EEF1A1: variants seen among roughly 807,000 people sequenced by gnomAD.
EEF1A1 encodes the protein elongation factor 1-alpha 1.
EEF1A1 carries 1 observed loss-of-function variant against 38.5 expected under a neutral mutation model. That is an observed-to-expected ratio of 0.03 (90% CI 0.01 to 0.12). The LOEUF is 0.12. Ranked by LOEUF, EEF1A1 falls within the 10% of genes least tolerant of loss-of-function variation. EEF1A1 has a pLI of 1.00. For synonymous variants in EEF1A1, 229 were observed against 203.7 expected (o/e 1.12, Z -1.06); for missense variants, 184 against 588.3 (o/e 0.31, Z 7.11).
chr6:73,516,903 GAC>G lies in EEF1A1; in HGVS notation c.*905_*906del, dbSNP rs1765530316. The G allele has an allele frequency of 6.6e-6, 1 of 152,206 alleles. No homozygotes were observed. The highest frequency in any genetic ancestry group is 6.5e-5 in the Admixed American group (1 of 15,284). The allele number at this position is 152,206 out of a possible 1,614,324, so 9.4% of individuals were successfully genotyped here. The stretch of plus-strand genomic sequence containing the variant: ...AATTATCAAAGCATAAAAGGTATTA[GAC>G]TCTGCAGGAGAAAAGCAATGTAGAT... On this transcript the variant is annotated 3_prime_UTR_variant, in exon 8 of 8. Transcript: ENST00000309268.
rs1354656062 is a variant in EEF1A1 at position 73,516,086 on chromosome 6, G to GA, written c.*1723dup. The GA allele has an allele frequency of 6.6e-6, 1 of 152,162 alleles. No homozygotes were observed. The highest frequency in any genetic ancestry group is 1.5e-5 in the Non-Finnish European group (1 of 68,034). The allele number at this position is 152,162 out of a possible 1,614,324, so 9.4% of individuals were successfully genotyped here. A position where few individuals can be genotyped will look rare whatever the true frequency, so the allele number is the denominator to read the frequency against. On this transcript the variant is annotated 3_prime_UTR_variant, in exon 8 of 8. Transcript: ENST00000309268. ...ACTTGTGTAAACATTAGATAGCAAA[G>GA]AAACTAAGGACAAAAATCTCTAGTT... is the stretch of plus-strand genomic sequence containing the variant.
Position 73,517,030 on chromosome 6 carries a change from T to G in EEF1A1, c.*780A>C, listed in dbSNP as rs1158474940. On this transcript the variant is annotated 3_prime_UTR_variant, in exon 8 of 8. Transcript: ENST00000309268. ...AATAGAACTTGTGAAACCATCAAACTGGCATAAAGCTTACTCCACTGACTT... is the reference window on the plus strand; with the variant it reads ...AATAGAACTTGTGAAACCATCAAACGGGCATAAAGCTTACTCCACTGACTT... 6.6e-6 allele frequency: 1 copy of G among 152,224 alleles called. No homozygotes were observed. The highest frequency in any genetic ancestry group is 1.9e-4 in the East Asian group (1 of 5,196). The allele number at this position is 152,224 out of a possible 1,614,324, so 9.4% of individuals were successfully genotyped here.
In EEF1A1 at chr6:73,519,778, T is replaced by TA. The variant is rs1297146442; in HGVS notation, c.144+104dup. 4.1e-5 allele frequency: 62 copies of TA among 1,496,464 alleles called. No individual in the cohort carries two copies. In the African/African-American group the frequency reaches 7.8e-4, roughly 19 times the overall value. 92.7% of individuals were successfully genotyped at this position (1,496,464 alleles called of 1,614,324 possible). A position where few individuals can be genotyped will look rare whatever the true frequency, so the allele number is the denominator to read the frequency against. ...ATTTCATAAGTAAGGTCTTAACTAT[T>TA]AGCATTCAGATCTAAACCACTCACT... On this transcript the variant is annotated intron_variant, in intron 2 of 7. Transcript: ENST00000309268.
chr6:73,518,767 T>C lies in EEF1A1; in HGVS notation c.703A>G (p.Ile235Val), dbSNP rs763778850. The C allele has an allele frequency of 1.9e-6, 3 of 1,614,116 alleles. No individual in the cohort carries two copies. The highest frequency in any genetic ancestry group is 2.5e-6 in the Non-Finnish European group (3 of 1,180,052). ...TCAGTTGGACGAGTTGGTGGTAGGA[T>C]GCAGTCCAGAGCCTCAAGCAGCGTG... The part of the protein sequence containing the change: ...GTTLLEALDC[I>V]LPPTRPTDKP... The change falls in exon 5 of 8, where the codon ATC (isoleucine) becomes GTC (valine). Residue 235 changes from isoleucine to valine, a missense_variant. Ile to Val is a conservative substitution (Grantham distance 29). Coordinates refer to ENST00000309268, the MANE Select transcript of EEF1A1 (RefSeq NM_001402.6).
At chr6:73,520,082 A>G in intron 1 of EEF1A1, 26 bp from the exon 2 acceptor site, 1 of 1,566,492 alleles carries the variant, frequency 6.4e-7, no homozygotes. Flanking sequence ...AAAACTTTGA[A>G]CCACTGTCTG....
chr6:73,517,837 A>T lies in EEF1A1; in HGVS notation c.1362T>A (p.Ser454=), dbSNP rs534691194. The T allele has an allele frequency of 3.8e-6, 6 of 1,587,958 alleles. No individual in the cohort carries two copies. The South Asian group carries it at 6.7e-5, about 18-fold the overall frequency. Residue 454 remains serine, a synonymous_variant, in exon 8 of 8, where the codon TCT becomes TCA. Coordinates refer to ENST00000309268, the MANE Select transcript of EEF1A1 (RefSeq NM_001402.6). The part of the protein sequence containing the change: ...KAAGAGKVTK[S]AQKAQKAK ...ATTTAGCCTTCTGAGCTTTCTGGGC[A>T]GACTTGGTGACCTTGCCAGCTCCAG...
rs972053008 is a variant in EEF1A1 at position 73,516,891 on chromosome 6, T to C, written c.*919A>G. The C allele has an allele frequency of 4.6e-5, 7 of 152,204 alleles. No homozygotes were observed. The highest frequency in any genetic ancestry group is 3.3e-4 in the Admixed American group (5 of 15,282). 9.4% of individuals were successfully genotyped at this position (152,204 alleles called of 1,614,324 possible). The stretch of plus-strand genomic sequence containing the variant: ...AGACAAACTGCTAATTATCAAAGCA[T>C]AAAAGGTATTAGACTCTGCAGGAGA... On this transcript the variant is annotated 3_prime_UTR_variant, in exon 8 of 8. Coordinates refer to ENST00000309268, the MANE Select transcript of EEF1A1 (RefSeq NM_001402.6).
In EEF1A1 at chr6:73,518,675, AACTT is replaced by A. The variant is rs552878006; in HGVS notation, c.772+19_772+22del. The stretch of plus-strand genomic sequence containing the variant: ...GACAGTACTCTATCAACTCAAATTC[AACTT>A]TGTTTACAGCCAACTTACCACCAAT... On this transcript the variant is annotated intron_variant, in intron 5 of 7. Coordinates refer to ENST00000309268, the MANE Select transcript of EEF1A1 (RefSeq NM_001402.6). The A allele has an allele frequency of 1.6e-3, 2,614 of 1,613,380 alleles. 36 individuals are homozygous for A. The African/African-American group carries it at 0.03, about 19-fold the overall frequency.
rs756830892 is a variant in EEF1A1, at chr6:73,519,290, G to C, written c.324+47C>G. 4 of 1,607,256 alleles carry C rather than the reference G, an allele frequency of 2.5e-6. No individual in the cohort carries two copies. The South Asian group carries it at 4.4e-5, about 18-fold the overall frequency. ...CCAAATGACAAAACCAGTGTACAAA[G>C]CAAGCCTTTTGGGATAAAGAAACCT... On this transcript the variant is annotated intron_variant, in intron 3 of 7. Coordinates refer to ENST00000309268, the MANE Select transcript of EEF1A1 (RefSeq NM_001402.6).
rs1283717557 is a variant in EEF1A1 at position 73,519,519 on chromosome 6, G to A, written c.145-3C>T. The A allele has an allele frequency of 6.9e-6, 11 of 1,594,822 alleles. No homozygotes were observed. Among genetic ancestry groups the A allele is most frequent in the Non-Finnish European group, 9.3e-6 (11 of 1,176,476 alleles). On this transcript the variant is annotated splice_region_variant and splice_polypyrimidine_tract_variant and intron_variant, in intron 2 of 7. Coordinates refer to ENST00000309268, the MANE Select transcript of EEF1A1 (RefSeq NM_001402.6). ...TACTTGAAGGAGCCCTTTCCCATCT[G>A]TAAGGATTAAGAGTCGTTACTTGGT...
At chr6:73,520,178 G>C in intron 1 of EEF1A1, 122 bp from the exon 2 acceptor site, 1 of 884,240 alleles carries the variant, frequency 1.1e-6, no homozygotes, top group Non-Finnish European at 1.7e-6. Context: ...CCTAACTTCA[G>C]TCTCCACCCA....
rs1189321272 is a variant in EEF1A1 at position 73,518,788 on chromosome 6, G to A, written c.682C>T (p.Leu228=). Residue 228 remains leucine (L), a synonymous_variant, in exon 5 of 8, where the codon CTG becomes TTG. Coordinates refer to ENST00000309268, the MANE Select transcript of EEF1A1 (RefSeq NM_001402.6). Reference sequence around the variant, plus strand: ...AGGATGCAGTCCAGAGCCTCAAGCAGCGTGGTTCCACTGGCATTGCCATCC... The same window carrying A: ...AGGATGCAGTCCAGAGCCTCAAGCAACGTGGTTCCACTGGCATTGCCATCC... ...RKDGNASGTT[L]LEALDCILPP... is the part of the protein sequence containing the mutation. The A allele has an allele frequency of 6.2e-7, 1 of 1,614,094 alleles. No individual in the cohort carries two copies. Among genetic ancestry groups the A allele is most frequent in the African/African-American group, 1.3e-5 (1 of 74,940 alleles).
chr6:73,518,634 A>G, intron 5 of EEF1A1, 24 bp from the exon 6 acceptor site: 1 of 1,612,956 alleles, frequency 6.2e-7, no homozygotes, highest in Non-Finnish European at 8.5e-7. Flanking sequence ...CAGCATACTA[A>G]ATACCTATGA....
At chr6:73,520,146 A>G (rs1395099975) in intron 1 of EEF1A1, 90 bp from the exon 2 acceptor site, 1 of 1,286,774 alleles carries the variant, frequency 7.8e-7, no homozygotes, top group Non-Finnish European at 1.1e-6. Context: ...TCCAAGGAGA[A>G]TTACATCAAG....
Position 73,517,111 on chromosome 6 carries a change from T to C in EEF1A1, c.*699A>G, listed in dbSNP as rs1223723333. On this transcript the variant is annotated 3_prime_UTR_variant, in exon 8 of 8. Transcript: ENST00000309268. ...CACTAGCCACTACACTTATTTCTTA[T>C]GTCATGGCAAATAGTCAACTTTCAC... is the stretch of plus-strand genomic sequence containing the variant. The C allele has an allele frequency of 6.6e-6, 1 of 152,302 alleles. No homozygotes were observed. Among genetic ancestry groups the C allele is most frequent in the Non-Finnish European group, 1.5e-5 (1 of 68,104 alleles). The allele number at this position is 152,302 out of a possible 1,614,324, so 9.4% of individuals were successfully genotyped here.
In EEF1A1 at chr6:73,515,927, T is replaced by C. The variant is rs1157711376; in HGVS notation, c.*1883A>G. 3 of 152,188 alleles carry C rather than the reference T, an allele frequency of 2.0e-5. No homozygotes were observed. Among genetic ancestry groups the C allele is most frequent in the African/African-American group, 7.2e-5 (3 of 41,420 alleles). 9.4% of individuals were successfully genotyped at this position (152,188 alleles called of 1,614,324 possible). ...GTGGGAACAATTTTTCAGTTAAATCTTGCTTCCTTGCATGTCAAGAATTCT... is the reference window on the plus strand; with the variant it reads ...GTGGGAACAATTTTTCAGTTAAATCCTGCTTCCTTGCATGTCAAGAATTCT... On this transcript the variant is annotated 3_prime_UTR_variant, in exon 8 of 8. Transcript: ENST00000309268.
rs1374061974 is a variant in EEF1A1 at position 73,519,505 on chromosome 6, G to C, written c.156C>G (p.Gly52=). ...FEKEAAEMGK[G]SFKYAWVLDK... ...CCAAGACCCAGGCATACTTGAAGGA[G>C]CCCTTTCCCATCTGTAAGGATTAAG... The change falls in exon 3 of 8, where the codon GGC becomes GGG. Residue 52 remains glycine (G), a synonymous_variant. Coordinates refer to ENST00000309268, the MANE Select transcript of EEF1A1 (RefSeq NM_001402.6). 1.3e-6 allele frequency: 2 copies of C among 1,595,794 alleles called. No homozygotes were observed. The highest frequency in any genetic ancestry group is 8.5e-7 in the Non-Finnish European group (1 of 1,176,950).
chr6:73,520,218 A>C, intron 1 of EEF1A1, 162 bp from the exon 2 acceptor site: 1 of 603,870 alleles, frequency 1.7e-6, no homozygotes. Context: ...ATCGCATAAA[A>C]CCCCTCCCCC....
Position 73,517,532 on chromosome 6 carries a change from T to G in EEF1A1, c.*278A>C. 2.7e-6 allele frequency: 1 copy of G among 375,106 alleles called. No individual in the cohort carries two copies. Among genetic ancestry groups the G allele is most frequent in the Non-Finnish European group, 4.8e-6 (1 of 208,532 alleles). The allele number at this position is 375,106 out of a possible 1,614,324, so 23.2% of individuals were successfully genotyped here. ...CACACAGGTTTCTCATTTAACTTTT[T>G]TAATGGGTCTCAAAATTCTGTGACA... On this transcript the variant is annotated 3_prime_UTR_variant, in exon 8 of 8. Transcript: ENST00000309268.
Sources: gnomAD v4.1 joint callset for allele counts on GRCh38, gnomAD v4.1.1 for gene constraint, MANE v1.5 for transcripts, NCBI Gene and HGNC (gene_info 2026-07-23, HGNC 2026-07-21) for gene names.